Variants in ANO3 observed in about 807,000 individuals in gnomAD.
The protein encoded by ANO3 is anoctamin-3.
A neutral mutation model predicts 144.8 loss-of-function variants in ANO3; 99 were observed. The ratio of observed to expected loss-of-function variants is 0.68; its 90% CI spans 0.58 to 0.81. ANO3 has a LOEUF of 0.81. Ranked by LOEUF, ANO3 falls within the 30% of genes least tolerant of loss-of-function variation. ANO3 has a pLI of 0.00. For synonymous variants in ANO3, 414 were observed against 392.6 expected, an observed-to-expected ratio of 1.05 and a Z score of -0.64; for missense variants, 905 against 1,202.2, an observed-to-expected ratio of 0.75 and a Z score of 3.66.
chr11:26,400,366 A>G (rs1445401305), intron 1 of ANO3, among the ~76,000 whole-genome samples: 2 of 152,090 alleles, frequency 1.3e-5, no homozygotes, highest in African/African-American at 4.8e-5. Flanking sequence ...AATGTATACC[A>G]TACAAAAGGA....
intron 4 of ANO3, among the ~76,000 whole-genome samples, chr11:26,464,911 C>T (rs558834055): frequency 1.2e-4 from 18 of 151,726 alleles, no homozygotes; most frequent in Non-Finnish European, 2.1e-4. Flanking sequence ...TGAGCAATAA[C>T]CAGAATGTTT....
upstream of ANO3, chr11:26,331,947 C>T: frequency 2.1e-6 from 1 of 473,770 alleles, no homozygotes; most frequent in Non-Finnish European, 3.8e-6. Context: ...CGATTTATAT[C>T]TCCTCCTCCA....
chr11:26,483,518 C>G (rs73447736), intron 4 of ANO3, among the ~76,000 whole-genome samples: 7,151 of 152,184 alleles, frequency 0.047, 286 homozygotes, highest in African/African-American at 0.11. Flanking sequence ...TCCTCCTGCT[C>G]TGGCCATGTA....
intron 5 of ANO3, 103 bp from the exon 6 acceptor site, chr11:26,516,724 G>A: frequency 3.0e-6 from 2 of 665,476 alleles, no homozygotes; most frequent in Non-Finnish European, 5.1e-6. Context: ...CAGTGATCAT[G>A]CATAGTCAAG....
chr11:26,342,645 C>A (rs182417286), intron 1 of ANO3, among the ~76,000 whole-genome samples: 180 of 152,206 alleles, frequency 1.2e-3, no homozygotes, highest in African/African-American at 4.2e-3. Flanking sequence ...GCTATAGCTG[C>A]ACAAATAGAC....
intron 1 of ANO3, among the ~76,000 whole-genome samples, chr11:26,215,143 C>T (rs1852011906): frequency 6.6e-6 from 1 of 151,734 alleles, no homozygotes; most frequent in Non-Finnish European, 1.5e-5. Flanking sequence ...ATTTTTCTTC[C>T]CCTTACCATA....
In ANO3 at chr11:26,223,607, A is replaced by T. The variant is rs1042069060; in HGVS notation, c.154+34277A>T. On this transcript the variant is annotated intron_variant, in intron 1 of 27. Transcript: ENST00000672621. ...AGTCCATTCTAGCTTTTTAATAAAA[A>T]AAAAAAAAAAAAAAACCCTGAGATT... 5.0e-3 allele frequency among the ~76,000 whole-genome samples: 760 copies of T among 151,406 alleles called. 5 individuals are homozygous for T. Among genetic ancestry groups the T allele is most frequent in the African/African-American group, 0.017 (712 of 41,264 alleles).
At chr11:26,230,631 T>G (rs2133801383) in intron 1 of ANO3, among the ~76,000 whole-genome samples, 1 of 151,456 alleles carries the variant, frequency 6.6e-6, no homozygotes, top group Admixed American at 6.6e-5. Context: ...ACCCCGTCTC[T>G]ACTAGAAATA....
intron 14 of ANO3, among the ~76,000 whole-genome samples, chr11:26,566,836 C>A (rs989351680): frequency 6.6e-6 from 1 of 151,768 alleles, no homozygotes; most frequent in Non-Finnish European, 1.5e-5. Context: ...AAATAATCAC[C>A]ATAATAAGCA....
rs1849330441 is a variant in ANO3, at chr11:26,530,320, C to T, written c.738-885C>T. Among the ~76,000 whole-genome samples, 3 of 152,272 alleles carry T rather than the reference C, an allele frequency of 2.0e-5. No individual in the cohort carries two copies. The South Asian group carries it at 6.2e-4, about 32-fold the overall frequency. On this transcript the variant is annotated intron_variant, in intron 7 of 26. Coordinates refer to ENST00000256737, the MANE Select transcript of ANO3 (RefSeq NM_031418.4). ...AGTTTTGCTTGACTTTAAAATTTTG[C>T]TGTCTACCACACTTATGACTTCCAG...
intron 1 of ANO3, among the ~76,000 whole-genome samples, chr11:26,318,822 G>T (rs1346779344): frequency 6.6e-6 from 1 of 152,168 alleles, no homozygotes; most frequent in African/African-American, 2.4e-5. Flanking sequence ...GAGGAATATG[G>T]ATAAATCTGG....
chr11:26,465,272 T>TTAGATAGC (rs1859560605), intron 4 of ANO3, among the ~76,000 whole-genome samples: 1 of 146,316 alleles, frequency 6.8e-6, no homozygotes, highest in Non-Finnish European at 1.5e-5. Flanking sequence ...ATGAACCTAT[T>TTAGATAGC]TAGATAGATA....
At chr11:26,483,749 C>T (rs1860325101) in intron 4 of ANO3, among the ~76,000 whole-genome samples, 1 of 152,054 alleles carries the variant, frequency 6.6e-6, no homozygotes, top group African/African-American at 2.4e-5. Context: ...TATAAATATA[C>T]CTGAAAATGT....
chr11:26,430,063 G>A (rs1394070414), intron 1 of ANO3, among the ~76,000 whole-genome samples: 3 of 151,932 alleles, frequency 2.0e-5, no homozygotes, highest in Non-Finnish European at 4.4e-5. Context: ...GGCCAACATG[G>A]TGAAACCCAG....
In ANO3 at chr11:26,537,428, T is replaced by C; in HGVS notation, c.999T>C (p.Asn333=). Residue 333 remains asparagine (N), a synonymous_variant, in exon 10 of 27, where the codon AAT becomes AAC. Transcript: ENST00000256737. ...CAGGTATCCGTAAACTTATAAACAA[T>C]GGCTCATACATAGCAGCGTTTCCAC... is the stretch of plus-strand genomic sequence containing the variant. ...SKVGIRKLIN[N]GSYIAAFPPH... 1.2e-6 allele frequency: 2 copies of C among 1,613,874 alleles called. No homozygotes were observed. The highest frequency in any genetic ancestry group is 1.3e-5 in the African/African-American group (1 of 75,058).
chr11:26,317,316 G>C (rs1414332041), intron 1 of ANO3, among the ~76,000 whole-genome samples: 3 of 151,926 alleles, frequency 2.0e-5, no homozygotes, highest in African/African-American at 7.3e-5. Flanking sequence ...TCATCAGAGT[G>C]AGCAGGCAAC....
intron 11 of ANO3, among the ~76,000 whole-genome samples, chr11:26,544,277 C>T (rs1164914144): frequency 0.032 from 956 of 29,616 alleles, 3 homozygotes; most frequent in South Asian, 0.054. Flanking sequence ...TATATATACA[C>T]ACATACACAC....
intron 6 of ANO3, among the ~76,000 whole-genome samples, chr11:26,522,423 C>G (rs188118622): frequency 9.2e-5 from 14 of 152,252 alleles, no homozygotes; most frequent in Admixed American, 4.6e-4. Flanking sequence ...GTGTTGGACT[C>G]TGGCTGGAAA....
chr11:26,600,246 C>CTCCTT, intron 17 of ANO3, among the ~76,000 whole-genome samples: 1 of 26,296 alleles, frequency 3.8e-5, no homozygotes, highest in East Asian at 8.8e-4. Flanking sequence ...CTCCTTTCCT[C>CTCCTT]TCCTCTCCTC....
Sources: allele counts gnomAD v4.1 joint callset (sites outside exome capture counted in the v4.1 genomes callset), GRCh38; gene constraint gnomAD v4.1.1; transcripts MANE v1.5; gene names NCBI Gene and HGNC (gene_info 2026-07-23, HGNC 2026-07-21).